Variants in PGS1 observed in about 807,000 individuals in gnomAD.
PGS1 encodes phosphatidylglycerophosphate synthase 1.
A neutral mutation model predicts 58.3 loss-of-function variants in PGS1; 44 were observed. That is an observed-to-expected ratio of 0.75 (90% CI 0.59 to 0.97). The LOEUF is 0.97. Ranked by LOEUF, PGS1 falls within the 50% of genes least tolerant of loss-of-function variation. The probability of loss-of-function intolerance (pLI) is 0.00; values close to 1 mark genes in which losing one functional copy is unlikely to be tolerated. For synonymous variants in PGS1, 330 were observed against 311.0 expected (o/e 1.06, Z -0.64); for missense variants, 684 against 731.1 (o/e 0.94, Z 0.74).
At chr17:78,395,009 C>T (rs1325901943) in intron 2 of PGS1, among the ~76,000 whole-genome samples, 1 of 152,088 alleles carries the variant, frequency 6.6e-6, no homozygotes, top group Non-Finnish European at 1.5e-5. Context: ...GAGAGGCTTG[C>T]CTCAGCAGGC....
At position 78,417,218 on chromosome 17, in the gene PGS1, T is replaced by C. The variant is rs942879318; in HGVS notation, c.1551+2191T>C. Among the ~76,000 whole-genome samples the C allele has an allele frequency of 3.3e-5, 5 of 152,138 alleles. No homozygotes were observed. In the East Asian group the frequency reaches 9.6e-4, roughly 29 times the overall value. On this transcript the variant is annotated intron_variant, in intron 8 of 9. Transcript: ENST00000262764. ...GAGTCTGTGAGGAAACCTAAGTGTT[T>C]CTGGTAATTTAGTTGCAATCTTGGC...
chr17:78,418,090 C>G (rs57752250), intron 8 of PGS1, among the ~76,000 whole-genome samples: 1 of 151,586 alleles, frequency 6.6e-6, no homozygotes, highest in Non-Finnish European at 1.5e-5. Context: ...CCATCACGCC[C>G]GGCTAATGTT....
At chr17:78,379,111 C>T (rs889279481) in intron 1 of PGS1, among the ~76,000 whole-genome samples, 1 of 152,230 alleles carries the variant, frequency 6.6e-6, no homozygotes, top group African/African-American at 2.4e-5. Context: ...GGCCACCGTG[C>T]ACTTACACGT....
chr17:78,384,211 C>G (rs894293014), intron 1 of PGS1, among the ~76,000 whole-genome samples: 1 of 152,180 alleles, frequency 6.6e-6, no homozygotes, highest in Non-Finnish European at 1.5e-5. Context: ...CTGGGCCTCT[C>G]GTGCCGGACT....
chr17:78,393,711 C>T (rs1024118541), intron 2 of PGS1, among the ~76,000 whole-genome samples: 1 of 152,116 alleles, frequency 6.6e-6, no homozygotes, highest in Non-Finnish European at 1.5e-5. Flanking sequence ...AAGTGTGTGC[C>T]TTTCCTCTCC....
At position 78,392,689 on chromosome 17, in the gene PGS1, A is replaced by G. The variant is rs768002424; in HGVS notation, c.333+24A>G. ...AGGTAAGTGGTATCTAAAGGAAAGAAGTTTGAGTTAGAGCTTTTGGGGGAT... is the reference window on the plus strand; with the variant it reads ...AGGTAAGTGGTATCTAAAGGAAAGAGGTTTGAGTTAGAGCTTTTGGGGGAT... On this transcript the variant is annotated intron_variant, in intron 2 of 9. Transcript: ENST00000262764. 3.1e-6 allele frequency: 5 copies of G among 1,601,208 alleles called. No homozygotes were observed. The South Asian group carries it at 5.5e-5, about 18-fold the overall frequency.
intron 8 of PGS1, among the ~76,000 whole-genome samples, chr17:78,418,058 T>A (rs1255507243): frequency 1.3e-5 from 2 of 150,954 alleles, no homozygotes; most frequent in African/African-American, 4.9e-5. Context: ...GCCTCCTGAG[T>A]AGCTGGGATT....
At chr17:78,384,035 A>T (rs1306647782) in intron 1 of PGS1, among the ~76,000 whole-genome samples, 1 of 152,118 alleles carries the variant, frequency 6.6e-6, no homozygotes, top group African/African-American at 2.4e-5. Context: ...AGAACATGCG[A>T]TTGGTTCTCG....
At chr17:78,387,834 G>A (rs980932823) in intron 1 of PGS1, among the ~76,000 whole-genome samples, 2 of 152,138 alleles carry the variant, frequency 1.3e-5, no homozygotes, top group African/African-American at 4.8e-5. Flanking sequence ...CTGGCCTCAA[G>A]TGATCCTCCT....
At chr17:78,395,579 G>A (rs961525514) in intron 2 of PGS1, among the ~76,000 whole-genome samples, 6 of 152,142 alleles carry the variant, frequency 3.9e-5, no homozygotes, top group African/African-American at 1.4e-4. Context: ...CTTCTCTGGG[G>A]TGGAGCTGCT....
intron 1 of PGS1, among the ~76,000 whole-genome samples, chr17:78,389,323 C>T (rs955497723): frequency 6.6e-6 from 1 of 151,570 alleles, no homozygotes; most frequent in Non-Finnish European, 1.5e-5. Flanking sequence ...GTAGCTGGGA[C>T]TACAGGTGTG....
rs768260950 is a variant in PGS1 at position 78,424,596 on chromosome 17, C to T, written c.*546C>T. On this transcript the variant is annotated 3_prime_UTR_variant, in exon 10 of 10. Coordinates refer to ENST00000262764, the MANE Select transcript of PGS1 (RefSeq NM_024419.5). ...ACCAGACTGCTATTATTTCTACTCG[C>T]CCTATTTAATGGTGTTTTTATTTCC... 13 of 157,414 alleles carry T rather than the reference C, an allele frequency of 8.3e-5. 1 individual carries two copies. Among genetic ancestry groups the T allele is most frequent in the Non-Finnish European group, 1.8e-4 (13 of 71,540 alleles). The allele number at this position is 157,414 out of a possible 1,614,324, so 9.8% of individuals were successfully genotyped here. A position where few individuals can be genotyped will look rare whatever the true frequency, so the allele number is the denominator to read the frequency against.
chr17:78,413,262 A>T (rs988800098), intron 7 of PGS1, among the ~76,000 whole-genome samples: 3 of 152,208 alleles, frequency 2.0e-5, no homozygotes, highest in African/African-American at 7.2e-5. Context: ...CTCTGAGTGA[A>T]GATTAGGAAA....
chr17:78,391,505 T>G (rs569181694), intron 1 of PGS1, among the ~76,000 whole-genome samples: 35 of 151,814 alleles, frequency 2.3e-4, no homozygotes, highest in Non-Finnish European at 4.3e-4. Context: ...TGAGACAGAG[T>G]CTCGTTCTGT....
intron 1 of PGS1, among the ~76,000 whole-genome samples, chr17:78,389,250 C>A (rs8072666): frequency 0.2 from 29,785 of 150,918 alleles, 3,645 homozygotes; most frequent in African/African-American, 0.35. Context: ...GCAGCGGCAG[C>A]ATCTCAGCTC....
chr17:78,396,231 C>A, intron 2 of PGS1, 77 bp from the exon 3 acceptor site: 1 of 1,106,460 alleles, frequency 9.0e-7, no homozygotes, highest in Non-Finnish European at 1.4e-6. Context: ...GATTTGCCTC[C>A]CAGGTCAAAG....
intron 9 of PGS1, among the ~76,000 whole-genome samples, chr17:78,422,121 T>C (rs1467171763): frequency 1.3e-5 from 2 of 152,204 alleles, no homozygotes; most frequent in Non-Finnish European, 2.9e-5. Flanking sequence ...ACGTCACATT[T>C]TGTGGTTATT....
intron 1 of PGS1, among the ~76,000 whole-genome samples, chr17:78,385,849 C>G (rs1466659461): frequency 6.6e-6 from 1 of 152,240 alleles, no homozygotes; most frequent in Non-Finnish European, 1.5e-5. Flanking sequence ...CAAGTGTGTG[C>G]AGGGCGCGTT....
At chr17:78,417,608 C>T (rs982754295) in intron 8 of PGS1, among the ~76,000 whole-genome samples, 1 of 152,154 alleles carries the variant, frequency 6.6e-6, no homozygotes, top group African/African-American at 2.4e-5. Flanking sequence ...GCTGTGTCCT[C>T]CCTCCCGGCC....
Sources: gnomAD v4.1 joint callset for allele counts (sites outside exome capture counted in the v4.1 genomes callset) on GRCh38, gnomAD v4.1.1 for gene constraint, MANE v1.5 for transcripts, NCBI Gene and HGNC (gene_info 2026-07-23, HGNC 2026-07-21) for gene names.